Variants in ASPSCR1 observed in about 807,000 individuals in gnomAD.
ASPSCR1 encodes tether containing UBX domain for GLUT4.
A neutral mutation model predicts 68.9 loss-of-function variants in ASPSCR1; 55 were observed. The ratio of observed to expected loss-of-function variants is 0.80; its 90% confidence interval spans 0.64 to 1.00. ASPSCR1 has a LOEUF of 1.00. Among genes scored for constraint, ASPSCR1 ranks in the 50% least tolerant of loss-of-function variants. The pLI is 0.00. For missense variants in ASPSCR1, 765 were observed against 762.2 expected, an observed-to-expected ratio of 1.00 and a Z score of -0.04; for synonymous variants, 352 against 332.6, an observed-to-expected ratio of 1.06 and a Z score of -0.63.
At position 82,017,169 on chromosome 17, in the gene ASPSCR1, G is replaced by A. The variant is rs571452549; in HGVS notation, c.1648+56G>A. 1.6e-5 allele frequency: 25 copies of A among 1,567,402 alleles called. 1 individual carries two copies. Among genetic ancestry groups the A allele is most frequent in the South Asian group, 6.8e-5 (6 of 88,602 alleles). ...GTGGCCGGGTGGAGGGCGGGGGTCCGGGTGCTGTGGCAGGGTCAGTGGGCT... is the reference window on the plus strand; with the variant it reads ...GTGGCCGGGTGGAGGGCGGGGGTCCAGGTGCTGTGGCAGGGTCAGTGGGCT... On this transcript the variant is annotated intron_variant, in intron 15 of 15. Transcript: ENST00000306739.
intron 5 of ASPSCR1, chr17:81,995,091 C>T (rs2042293649): frequency 5.4e-6 from 3 of 554,714 alleles, no homozygotes; most frequent in Non-Finnish European, 9.5e-6. Flanking sequence ...GTTTTTTCAG[C>T]TTCTCTCAAA....
intron 12 of ASPSCR1, 42 bp from the exon 13 acceptor site, chr17:82,016,434 T>C (rs1457163636): frequency 6.6e-7 from 1 of 1,526,612 alleles, no homozygotes; most frequent in Admixed American, 2.0e-5. Context: ...AGGGGGGTGC[T>C]CTGCCCACAC....
Position 82,011,554 on chromosome 17 carries a change from C to T in ASPSCR1, c.1249C>T (p.Arg417Ter), listed in dbSNP as rs1348744271. Reference protein sequence around the residue: ...FRPSETVGDLRDFVRSHLGNP... With the variant: ...FRPSETVGDL ...TTTCTCCTCTGCAGTGGGGGACTTG[C>T]GAGACTTCGTGAGGAGCCACCTGGG... The change falls in exon 11 of 16, where the codon CGA becomes TGA. Residue 417 changes from arginine to a stop codon, truncating the protein, a stop_gained. Transcript: ENST00000306739. LOFTEE classifies it high-confidence loss of function. The T allele has an allele frequency of 5.1e-6, 8 of 1,579,746 alleles. No individual in the cohort carries two copies. Among genetic ancestry groups the T allele is most frequent in the Non-Finnish European group, 6.8e-6 (8 of 1,169,558 alleles).
intron 7 of ASPSCR1, chr17:82,008,666 G>A (rs986891012): frequency 4.0e-5 from 8 of 197,902 alleles, no homozygotes; most frequent in Admixed American, 6.1e-5. Context: ...CTGGACTGGG[G>A]TTTTTGCCGA....
chr17:81,990,188 G>A lies in ASPSCR1; in HGVS notation c.374+4581G>A, dbSNP rs1263547367. Among the ~76,000 whole-genome samples the A allele has an allele frequency of 2.6e-5, 4 of 152,188 alleles. No homozygotes were observed. The highest frequency in any genetic ancestry group is 5.9e-5 in the Non-Finnish European group (4 of 68,040). On this transcript the variant is annotated intron_variant, in intron 4 of 15. Coordinates refer to ENST00000306739, the MANE Select transcript of ASPSCR1 (RefSeq NM_024083.4). This position sits in a 1 kb window ranked among gnomAD's most constrained non-coding sequence, Gnocchi z 4.1. ...ACCCAAAATACGACTTCCTGGACAC[G>A]TAGTCAGTAGAAAAGTGAGCCGTCT...
rs1041812340 is a variant in ASPSCR1, at chr17:81,977,953, C to A, written c.102+205C>A. ...GGGTCCCGGGGGTCCCGAGTGGGGG[C>A]GGGGCGGTGGCGAGCCTTCCCAGGG... On this transcript the variant is annotated intron_variant, in intron 1 of 15. Transcript: ENST00000306739. This position sits in a 1 kb window ranked among gnomAD's most constrained non-coding sequence, Gnocchi z 5.0. 24 of 320,144 alleles carry A rather than the reference C, an allele frequency of 7.5e-5. 1 individual carries two copies. In the Admixed American group the frequency reaches 1.2e-3, roughly 16 times the overall value. The allele number at this position is 320,144 out of a possible 1,614,324, so 19.8% of individuals were successfully genotyped here.
rs1299213547 is a variant in ASPSCR1 at position 81,986,673 on chromosome 17, G to A, written c.374+1066G>A. 1.3e-5 allele frequency among the ~76,000 whole-genome samples: 2 copies of A among 151,076 alleles called. No homozygotes were observed. The highest frequency in any genetic ancestry group is 2.5e-5 in the African/African-American group (1 of 40,706). On this transcript the variant is annotated intron_variant, in intron 4 of 15. Transcript: ENST00000306739. This position sits in a 1 kb window ranked among gnomAD's most constrained non-coding sequence, Gnocchi z 5.2. ...CCTCAGTTTCCTCACCTGTGCCCCG[G>A]CTGGTGTGTGGATGGGGTGAGTTCA...
At chr17:81,989,698 A>G (rs1011434104) in intron 4 of ASPSCR1, among the ~76,000 whole-genome samples, 4 of 152,206 alleles carry the variant, frequency 2.6e-5, no homozygotes, top group African/African-American at 9.7e-5. Context: ...GAAACGTTGC[A>G]GCTCCACTGC....
Position 81,977,867 on chromosome 17 carries a change from C to T in ASPSCR1, c.102+119C>T. 7.2e-6 allele frequency: 5 copies of T among 692,024 alleles called. No individual in the cohort carries two copies. The highest frequency in any genetic ancestry group is 9.8e-6 in the Non-Finnish European group (5 of 512,176). The allele number at this position is 692,024 out of a possible 1,614,324, so 42.9% of individuals were successfully genotyped here. The stretch of plus-strand genomic sequence containing the variant: ...CGGGGCCTCGGCGGCCAATGAGCGG[C>T]CTCCTGAGCGGCGGCCCCGCCCCCT... On this transcript the variant is annotated intron_variant, in intron 1 of 15. Coordinates refer to ENST00000306739, the MANE Select transcript of ASPSCR1 (RefSeq NM_024083.4). The surrounding 1 kb of genome is among the most constrained non-coding windows in gnomAD (Gnocchi z 5.0).
At chr17:82,016,657 G>A (rs972761074) in intron 13 of ASPSCR1, 130 bp downstream of exon 13, 4 of 1,446,528 alleles carry the variant, frequency 2.8e-6, no homozygotes, top group South Asian at 2.5e-5. Flanking sequence ...GCGGCCCCCA[G>A]TAACCACCTC....
intron 5 of ASPSCR1, chr17:81,995,331 C>T (rs1026540910): frequency 3.2e-6 from 1 of 314,526 alleles, no homozygotes; most frequent in Non-Finnish European, 5.8e-6. Flanking sequence ...CAGGACATTC[C>T]CCGCATTTAT....
At chr17:81,995,002 G>C (rs767531415) in intron 5 of ASPSCR1, 124 bp downstream of exon 5, 2 of 1,100,426 alleles carry the variant, frequency 1.8e-6, no homozygotes, top group East Asian at 2.7e-5. Flanking sequence ...TTGAAAGCAC[G>C]ACGTGTTTCA....
intron 4 of ASPSCR1, among the ~76,000 whole-genome samples, chr17:81,988,616 C>T (rs1468777211): frequency 6.6e-6 from 1 of 152,196 alleles, no homozygotes; most frequent in African/African-American, 2.4e-5. Flanking sequence ...TGCACGTACA[C>T]CTCATTTGAT....
rs978339832 is a variant in ASPSCR1 at position 81,986,864 on chromosome 17, G to A, written c.374+1257G>A. Among the ~76,000 whole-genome samples the A allele has an allele frequency of 4.0e-5, 6 of 151,574 alleles. No individual in the cohort carries two copies. The highest frequency in any genetic ancestry group is 5.9e-5 in the Non-Finnish European group (4 of 67,948). On this transcript the variant is annotated intron_variant, in intron 4 of 15. Transcript: ENST00000306739. The surrounding 1 kb of genome is among the most constrained non-coding windows in gnomAD (Gnocchi z 5.2). ...GGGTGTTGCGTTCGTGGGTGAGAGCGCTGAGGTCTGCACGTCGGGTCTCAG... is the reference window on the plus strand; with the variant it reads ...GGGTGTTGCGTTCGTGGGTGAGAGCACTGAGGTCTGCACGTCGGGTCTCAG...
chr17:82,016,819 C>A lies in ASPSCR1; in HGVS notation c.1425C>A (p.Gly475=). ...EEPAGVYLEP[G]LLEHAISPSA... is the part of the protein sequence containing the mutation. ...CTGCAGGTGTCTACCTGGAGCCTGG[C>A]CTGCTGGAGCATGCCATCTCCCCAT... is the stretch of plus-strand genomic sequence containing the variant. Residue 475 remains glycine (G), a synonymous_variant, in exon 14 of 16, where the codon GGC becomes GGA. Coordinates refer to ENST00000306739, the MANE Select transcript of ASPSCR1 (RefSeq NM_024083.4). The A allele has an allele frequency of 6.2e-7, 1 of 1,610,876 alleles. No homozygotes were observed. Among genetic ancestry groups the A allele is most frequent in the Non-Finnish European group, 8.5e-7 (1 of 1,179,922 alleles).
At chr17:81,996,363 G>A (rs983530222) in intron 6 of ASPSCR1, 57 bp from the exon 7 acceptor site, 32 of 1,527,664 alleles carry the variant, frequency 2.1e-5, no homozygotes, top group African/African-American at 5.5e-5. Context: ...GGCCGGGAGA[G>A]GGTGAGCCGG....
intron 4 of ASPSCR1, among the ~76,000 whole-genome samples, chr17:81,989,269 G>A (rs1476660032): frequency 3.9e-5 from 6 of 152,234 alleles, no homozygotes; most frequent in Admixed American, 3.3e-4. Flanking sequence ...AGAAGCTGGA[G>A]TTTGCTAACC....
At chr17:81,995,170 A>C in intron 5 of ASPSCR1, 1 of 486,206 alleles carries the variant, frequency 2.1e-6, no homozygotes, top group South Asian at 3.7e-5. Context: ...ATCATTTTCA[A>C]AACCGAGTGT....
rs1352269109 is a variant in ASPSCR1 at position 81,987,137 on chromosome 17, C to G, written c.374+1530C>G. 7.1e-6 allele frequency among the ~76,000 whole-genome samples: 1 copy of G among 140,584 alleles called. No individual in the cohort carries two copies. Among genetic ancestry groups the G allele is most frequent in the Admixed American group, 7.0e-5 (1 of 14,240 alleles). The allele number at this position is 140,584 out of a possible 152,430, so 92.2% of individuals were successfully genotyped here. A position where few individuals can be genotyped will look rare whatever the true frequency, so the allele number is the denominator to read the frequency against. ...GAGCGGGACCCGAGGCAGGAGGTGA[C>G]AGAGCCTAAGAGCAAAGCGAAGCCA... On this transcript the variant is annotated intron_variant, in intron 4 of 15. Transcript: ENST00000306739. The surrounding 1 kb of genome is among the most constrained non-coding windows in gnomAD (Gnocchi z 5.6).
Sources: allele counts gnomAD v4.1 joint callset (sites outside exome capture counted in the v4.1 genomes callset), GRCh38; gene constraint gnomAD v4.1.1; non-coding constraint Gnocchi (gnomAD v3.1); transcripts MANE v1.5; gene names NCBI Gene and HGNC (gene_info 2026-07-23, HGNC 2026-07-21).